Variants in SLC35B4 observed in about 807,000 individuals in gnomAD.
SLC35B4 encodes the protein solute carrier family 35 member B4.
Under a neutral mutation model 39.5 loss-of-function variants are expected in SLC35B4, and 28 were observed. The ratio of observed to expected loss-of-function variants is 0.71; its 90% confidence interval spans 0.53 to 0.97. The LOEUF is 0.97. Ranked by LOEUF, SLC35B4 falls within the 50% of genes least tolerant of loss-of-function variation. SLC35B4 has a pLI of 0.00. For synonymous variants in SLC35B4, 145 were observed against 150.4 expected, an observed-to-expected ratio of 0.96 and a Z score of 0.26; for missense variants, 334 against 414.3, an observed-to-expected ratio of 0.81 and a Z score of 1.68.
rs887741712 is a variant in SLC35B4 at position 134,290,766 on chromosome 7, T to G, written c.*4067A>C. 1 of 152,212 alleles carries G rather than the reference T, an allele frequency of 6.6e-6. No individual in the cohort carries two copies. Among genetic ancestry groups the G allele is most frequent in the Non-Finnish European group, 1.5e-5 (1 of 68,040 alleles). The allele number at this position is 152,212 out of a possible 1,614,324, so 9.4% of individuals were successfully genotyped here. On this transcript the variant is annotated 3_prime_UTR_variant, in exon 10 of 10. Coordinates refer to ENST00000378509, the MANE Select transcript of SLC35B4 (RefSeq NM_032826.5). ...GCTACAGGTAAGATTCAATCACATTTTTCAGGAGAAAGCTATTGAGACCAA... is the reference window on the plus strand; with the variant it reads ...GCTACAGGTAAGATTCAATCACATTGTTCAGGAGAAAGCTATTGAGACCAA...
intron 5 of SLC35B4, 92 bp downstream of exon 5, chr7:134,301,937 T>C (rs940581846): frequency 4.5e-5 from 68 of 1,512,826 alleles, no homozygotes; most frequent in Non-Finnish European, 5.9e-5. Context: ...TCAAAATCTT[T>C]GTATTACATA....
chr7:134,302,371 A>G (rs1012325402), intron 4 of SLC35B4, among the ~76,000 whole-genome samples: 1 of 152,206 alleles, frequency 6.6e-6, no homozygotes, highest in African/African-American at 2.4e-5. Context: ...TCAGGAGACA[A>G]AAACAGAAAT....
intron 4 of SLC35B4, 128 bp from the exon 5 acceptor site, chr7:134,302,238 C>A: frequency 1.4e-6 from 1 of 738,244 alleles, no homozygotes; most frequent in South Asian, 1.9e-5. Flanking sequence ...GGATTACTTT[C>A]CAGCAGAGTC....
chr7:134,294,875 C>T lies in SLC35B4; in HGVS notation c.954G>A (p.Gly318=). ...CCTTCTGAGGCTCACTTTTTGTGGT[C>T]CCTAGGTTGTTCCACACCTCTGTGT... ...LMYTEVWNNL[G]TTKSEPQKDS... Residue 318 remains glycine, a synonymous_variant, in exon 10 of 10, where the codon GGG becomes GGA. Coordinates refer to ENST00000378509, the MANE Select transcript of SLC35B4 (RefSeq NM_032826.5). 1 of 1,614,086 alleles carries T rather than the reference C, an allele frequency of 6.2e-7. No homozygotes were observed. Among genetic ancestry groups the T allele is most frequent in the Non-Finnish European group, 8.5e-7 (1 of 1,180,018 alleles).
At chr7:134,314,731 T>A (rs894958276) in intron 1 of SLC35B4, among the ~76,000 whole-genome samples, 17 of 152,030 alleles carry the variant, frequency 1.1e-4, no homozygotes, top group African/African-American at 4.1e-4. Context: ...AGACGGGGTC[T>A]TACCATATTG....
rs1585631821 is a variant in SLC35B4 at position 134,294,804 on chromosome 7, G to A, written c.*29C>T. 3 of 1,609,714 alleles carry A rather than the reference G, an allele frequency of 1.9e-6. No individual in the cohort carries two copies. Among genetic ancestry groups the A allele is most frequent in the African/African-American group, 1.3e-5 (1 of 74,744 alleles). ...CTTCACAGGGTCCCACCCTCACGAC[G>A]ACACTGGTCTACGTACTCCAGACAG... On this transcript the variant is annotated 3_prime_UTR_variant, in exon 10 of 10. Coordinates refer to ENST00000378509, the MANE Select transcript of SLC35B4 (RefSeq NM_032826.5).
intron 1 of SLC35B4, among the ~76,000 whole-genome samples, chr7:134,314,490 T>C (rs775348752): frequency 1.1e-4 from 17 of 152,258 alleles, no homozygotes; most frequent in Non-Finnish European, 2.2e-4. Context: ...CATTATTCCC[T>C]GACTTTCATT....
At chr7:134,305,595 T>G (rs1340868212) in intron 3 of SLC35B4, among the ~76,000 whole-genome samples, 1 of 152,200 alleles carries the variant, frequency 6.6e-6, no homozygotes. Flanking sequence ...GACTTATTTT[T>G]GTCAAAATTT....
chr7:134,297,563 T>C (rs1446488920), intron 8 of SLC35B4, among the ~76,000 whole-genome samples: 2 of 152,036 alleles, frequency 1.3e-5, no homozygotes, highest in African/African-American at 4.8e-5. Flanking sequence ...AGAGATTTTA[T>C]AGCCACATAA....
rs2117265010 is a variant in SLC35B4, at chr7:134,291,363, A to G, written c.*3470T>C. ...ATAAATACTCTGTAAAAATCCACAA[A>G]AACATCCAGGGGCCCCAAAGAAGAG... On this transcript the variant is annotated 3_prime_UTR_variant, in exon 10 of 10. Coordinates refer to ENST00000378509, the MANE Select transcript of SLC35B4 (RefSeq NM_032826.5). 6.6e-6 allele frequency: 1 copy of G among 152,300 alleles called. No homozygotes were observed. The highest frequency in any genetic ancestry group is 2.1e-4 in the South Asian group (1 of 4,816). 9.4% of individuals were successfully genotyped at this position (152,300 alleles called of 1,614,324 possible).
At chr7:134,309,693 C>T (rs1340810565) in intron 1 of SLC35B4, among the ~76,000 whole-genome samples, 2 of 152,176 alleles carry the variant, frequency 1.3e-5, no homozygotes, top group Non-Finnish European at 2.9e-5. Context: ...CTCTTCCTTG[C>T]GTGTATCAGG....
chr7:134,318,019 G>C (rs1292181809), upstream of SLC35B4, among the ~76,000 whole-genome samples: 1 of 152,182 alleles, frequency 6.6e-6, no homozygotes, highest in Non-Finnish European at 1.5e-5. Context: ...TAGGATTTTG[G>C]AATGCTATAT....
intron 1 of SLC35B4, 74 bp downstream of exon 1, chr7:134,316,601 C>T: frequency 1.3e-6 from 2 of 1,486,342 alleles, no homozygotes; most frequent in Non-Finnish European, 1.8e-6. Flanking sequence ...GTGGGCGCGT[C>T]CCGGGGGGAC....
intron 1 of SLC35B4, 88 bp from the exon 2 acceptor site, chr7:134,309,567 A>T: frequency 1.2e-6 from 1 of 823,164 alleles, no homozygotes; most frequent in South Asian, 1.5e-5. Context: ...GGGCCAGAAT[A>T]ACAGCGTGGA....
At chr7:134,314,016 C>CA (rs1422162124) in intron 1 of SLC35B4, among the ~76,000 whole-genome samples, 1 of 149,908 alleles carries the variant, frequency 6.7e-6, no homozygotes, top group South Asian at 2.2e-4. Flanking sequence ...TTGTTTTATG[C>CA]AAAAAATGCA....
intron 6 of SLC35B4, among the ~76,000 whole-genome samples, chr7:134,300,625 T>G (rs1203816527): frequency 6.6e-6 from 1 of 152,200 alleles, no homozygotes; most frequent in Non-Finnish European, 1.5e-5. Context: ...CTTAAATGTA[T>G]GAGGATGGTT....
upstream of SLC35B4, among the ~76,000 whole-genome samples, chr7:134,318,664 C>G (rs917031188): frequency 6.6e-6 from 1 of 152,152 alleles, no homozygotes; most frequent in African/African-American, 2.4e-5. Context: ...GAGGTGATTT[C>G]TCTTCACACA....
rs1803430951 is a variant in SLC35B4, at chr7:134,295,079, C to A, written c.750G>T (p.Gln250His). The A allele has an allele frequency of 1.2e-6, 2 of 1,613,560 alleles. No homozygotes were observed. Among genetic ancestry groups the A allele is most frequent in the Non-Finnish European group, 1.7e-6 (2 of 1,179,816 alleles). ...TAAACACACCCCGGATGCACACGTA[C>A]CTGGAGGAGTGGAGTCAAGGTAGTT... ...WFYLLMNIIT[Q>H]YVCIRGVFIL... Residue 250 changes from glutamine (Q) to histidine (H), a missense_variant and splice_region_variant, in exon 10 of 10, where the codon CAG (glutamine) becomes CAT (histidine). By Grantham distance (24) the Gln-to-His change is conservative. Transcript: ENST00000378509.
rs2117278951 is a variant in SLC35B4, at chr7:134,296,280, C to T, written c.749+111G>A. ...GTCTCCAGCTTACCGCAGAATAAAT[C>T]CAGCGAAAATCATATTCAAGTCAAC... On this transcript the variant is annotated intron_variant, in intron 9 of 9. Transcript: ENST00000378509. The T allele has an allele frequency of 3.1e-6, 3 of 962,890 alleles. No homozygotes were observed. In the East Asian group the frequency reaches 7.8e-5, roughly 25 times the overall value. The allele number at this position is 962,890 out of a possible 1,614,324, so 59.6% of individuals were successfully genotyped here.
Sources: gnomAD v4.1 joint callset for allele counts (sites outside exome capture counted in the v4.1 genomes callset) on GRCh38, gnomAD v4.1.1 for gene constraint, MANE v1.5 for transcripts, NCBI Gene and HGNC (gene_info 2026-07-23, HGNC 2026-07-21) for gene names.